The following TOX variants were observed in gnomAD, a reference collection of about 807,000 sequenced individuals.
The protein encoded by TOX is thymocyte selection-associated high mobility group box protein TOX.
In TOX, 11 loss-of-function variants were observed where a neutral mutation model predicts 53.7. That is an observed-to-expected ratio of 0.20 (90% confidence interval 0.13 to 0.34). The LOEUF (loss-of-function observed/expected upper bound fraction) is 0.34. Ranked by LOEUF, TOX falls within the 10% of genes least tolerant of loss-of-function variation. The probability of loss-of-function intolerance (pLI) is 1.00; values close to 1 mark genes in which losing one functional copy is unlikely to be tolerated. For synonymous variants in TOX, 225 were observed against 245.3 expected (o/e 0.92, Z 0.77); for missense variants, 570 against 664.6 (o/e 0.86, Z 1.56).
chr8:58,903,796 T>A (rs1335255956), intron 3 of TOX, among the ~76,000 whole-genome samples: 1 of 152,204 alleles, frequency 6.6e-6, no homozygotes, highest in African/African-American at 2.4e-5. Flanking sequence ...GGGCTTATTA[T>A]GTGGGCTTAG....
chr8:59,021,651 G>T (rs532583009), intron 1 of TOX, among the ~76,000 whole-genome samples: 10 of 151,526 alleles, frequency 6.6e-5, no homozygotes, highest in Admixed American at 6.6e-4. Context: ...AAATAGATTG[G>T]TTTTCTCGAA....
At chr8:59,070,923 C>T (rs541851685) in intron 1 of TOX, among the ~76,000 whole-genome samples, 1 of 152,160 alleles carries the variant, frequency 6.6e-6, no homozygotes, top group South Asian at 2.1e-4. Context: ...TAAAAATAAA[C>T]CCCTGTACGA....
At chr8:58,985,400 T>A (rs1431925172) in intron 1 of TOX, among the ~76,000 whole-genome samples, 1 of 151,942 alleles carries the variant, frequency 6.6e-6, no homozygotes, top group Non-Finnish European at 1.5e-5. Flanking sequence ...AAATAAAAAA[T>A]AAAAGACAAA....
intron 1 of TOX, among the ~76,000 whole-genome samples, chr8:58,985,612 C>A (rs1176552265): frequency 2.0e-5 from 3 of 152,140 alleles, no homozygotes; most frequent in African/African-American, 7.2e-5. Flanking sequence ...GAATTGCACA[C>A]TTAAAGTGGT....
At chr8:58,908,572 C>G (rs1251233412) in intron 3 of TOX, among the ~76,000 whole-genome samples, 1 of 152,172 alleles carries the variant, frequency 6.6e-6, no homozygotes, top group Non-Finnish European at 1.5e-5. Flanking sequence ...GATTCATGAG[C>G]AACTTCTTCT....
intron 1 of TOX, among the ~76,000 whole-genome samples, chr8:59,109,154 G>C (rs1376501450): frequency 6.6e-6 from 1 of 151,994 alleles, no homozygotes; most frequent in East Asian, 1.9e-4. Flanking sequence ...TTGAAAAGTT[G>C]TTTTTCTTCT....
intron 1 of TOX, among the ~76,000 whole-genome samples, chr8:58,994,671 C>T (rs915024071): frequency 3.3e-5 from 5 of 152,028 alleles, no homozygotes; most frequent in African/African-American, 1.2e-4. Context: ...TCAAACAGAA[C>T]ATCTAAAATA....
chr8:58,902,336 ACAATT>A (rs1333608805), intron 3 of TOX, among the ~76,000 whole-genome samples: 1 of 152,202 alleles, frequency 6.6e-6, no homozygotes, highest in African/African-American at 2.4e-5. Context: ...TGAAAAATGA[ACAATT>A]CAATCCATCA....
rs150020080 is a variant in TOX at position 58,951,044 on chromosome 8, A to G, written c.168+8899T>C. Among the ~76,000 whole-genome samples the G allele has an allele frequency of 2.1e-3, 318 of 152,340 alleles. 1 individual carries two copies. Among genetic ancestry groups the G allele is most frequent in the African/African-American group, 7.3e-3 (302 of 41,568 alleles). ...AATATTTCCCAGAGTATTCTCACACACGTAACACATTGCCGTTATCTCAAT... is the reference window on the plus strand; with the variant it reads ...AATATTTCCCAGAGTATTCTCACACGCGTAACACATTGCCGTTATCTCAAT... On this transcript the variant is annotated intron_variant, in intron 2 of 8. Coordinates refer to ENST00000361421, the MANE Select transcript of TOX (RefSeq NM_014729.3).
intron 1 of TOX, among the ~76,000 whole-genome samples, chr8:59,052,887 C>T (rs764618696): frequency 2.6e-5 from 4 of 152,040 alleles, no homozygotes; most frequent in Non-Finnish European, 5.9e-5. Flanking sequence ...TTTTAATGTG[C>T]CCTACTTTCG....
intron 4 of TOX, among the ~76,000 whole-genome samples, chr8:58,849,963 C>A (rs1810782617): frequency 6.6e-6 from 1 of 152,062 alleles, no homozygotes; most frequent in Non-Finnish European, 1.5e-5. Context: ...GTACCTGGAG[C>A]CATTGGAATA....
intron 1 of TOX, among the ~76,000 whole-genome samples, chr8:59,062,459 A>G (rs188491558): frequency 1.9e-4 from 29 of 152,380 alleles, no homozygotes; most frequent in Non-Finnish European, 2.8e-4. Flanking sequence ...TGGAAAATTT[A>G]ACTAGATAAT....
intron 3 of TOX, among the ~76,000 whole-genome samples, chr8:58,879,066 A>AC (rs1211296232): frequency 2.0e-5 from 3 of 151,756 alleles, no homozygotes; most frequent in East Asian, 1.9e-4. Flanking sequence ...ATCTCAAAAA[A>AC]AAAAAAACAA....
intron 3 of TOX, among the ~76,000 whole-genome samples, chr8:58,926,207 C>A (rs926425148): frequency 3.3e-5 from 5 of 152,178 alleles, no homozygotes; most frequent in African/African-American, 1.2e-4. Context: ...ATCTCCACAA[C>A]CCTATCCCCA....
chr8:58,860,167 T>C (rs779378634), intron 3 of TOX, among the ~76,000 whole-genome samples: 1 of 152,210 alleles, frequency 6.6e-6, no homozygotes, highest in Non-Finnish European at 1.5e-5. Context: ...GGCAACCCTG[T>C]TCATGACACC....
chr8:58,860,566 C>T (rs1310795226), intron 3 of TOX, among the ~76,000 whole-genome samples: 2 of 152,214 alleles, frequency 1.3e-5, no homozygotes, highest in Admixed American at 1.3e-4. Flanking sequence ...GCTGATGGTT[C>T]TCTTCGGTTA....
At chr8:58,991,830 A>G (rs1813455684) in intron 1 of TOX, 1 of 152,410 alleles carries the variant, frequency 6.6e-6, no homozygotes, top group Non-Finnish European at 1.5e-5. Flanking sequence ...TTGTGGAGAC[A>G]GCGTATCTTG....
At position 59,083,776 on chromosome 8, in the gene TOX, C is replaced by A. The variant is rs867525053; in HGVS notation, c.102+35110G>T. Among the ~76,000 whole-genome samples the A allele has an allele frequency of 2.0e-5, 3 of 152,126 alleles. No homozygotes were observed. The South Asian group carries it at 6.2e-4, about 32-fold the overall frequency. On this transcript the variant is annotated intron_variant, in intron 1 of 8. Transcript: ENST00000361421. ...CGGGAGAGAGAAACGATAACTCACTCTTTTAGGAACCAAGAGGCTAAAATG... is the reference window on the plus strand; with the variant it reads ...CGGGAGAGAGAAACGATAACTCACTATTTTAGGAACCAAGAGGCTAAAATG...
At chr8:58,818,171 C>T (rs556774466) in intron 6 of TOX, among the ~76,000 whole-genome samples, 18 of 152,270 alleles carry the variant, frequency 1.2e-4, no homozygotes, top group African/African-American at 3.6e-4. Context: ...TATCTAGCCA[C>T]TTATTTGTCA....
Sources: allele counts gnomAD v4.1 joint callset (sites outside exome capture counted in the v4.1 genomes callset), GRCh38; gene constraint gnomAD v4.1.1; transcripts MANE v1.5; gene names NCBI Gene and HGNC (gene_info 2026-07-23, HGNC 2026-07-21).